The following DAAM1 variants were observed in gnomAD, a reference collection of about 807,000 sequenced individuals.
DAAM1 encodes dishevelled associated activator of morphogenesis 1, also known as disheveled-associated activator of morphogenesis 1.
Under a neutral mutation model 130.0 loss-of-function variants are expected in DAAM1, and 52 were observed. The observed-to-expected ratio is 0.40, with a 90% CI of 0.32 to 0.50. DAAM1 has a LOEUF of 0.50. DAAM1 is among the 20% of genes least tolerant of loss of function. DAAM1 has a pLI of 0.61. For missense variants in DAAM1, 1,134 were observed against 1,303.8 expected, an observed-to-expected ratio of 0.87 and a Z score of 2.01; for synonymous variants, 452 against 444.5, an observed-to-expected ratio of 1.02 and a Z score of -0.21.
chr14:59,261,875 C>T (rs1298978594), intron 1 of DAAM1, among the ~76,000 whole-genome samples: 1 of 152,236 alleles, frequency 6.6e-6, no homozygotes, highest in Non-Finnish European at 1.5e-5. Context: ...TGTTTTCTCA[C>T]TGTCCACATT....
At chr14:59,326,789 T>A in intron 11 of DAAM1, 141 bp downstream of exon 11, 4 of 1,495,998 alleles carry the variant, frequency 2.7e-6, no homozygotes, top group Non-Finnish European at 3.6e-6. Flanking sequence ...GCACTATAGC[T>A]AAGTAACATC....
chr14:59,343,501 C>A (rs1054747366), intron 16 of DAAM1, among the ~76,000 whole-genome samples: 1 of 152,218 alleles, frequency 6.6e-6, no homozygotes, highest in African/African-American at 2.4e-5. Flanking sequence ...GTGAACTTCT[C>A]TATTTCTTAT....
intron 3 of DAAM1, among the ~76,000 whole-genome samples, chr14:59,303,711 C>G (rs1422172969): frequency 1.3e-5 from 2 of 151,968 alleles, no homozygotes; most frequent in African/African-American, 4.8e-5. Context: ...AGCCTGGGAC[C>G]CAACGTGGCG....
chr14:59,308,836 G>A (rs1468328944), intron 3 of DAAM1, among the ~76,000 whole-genome samples: 3 of 152,206 alleles, frequency 2.0e-5, no homozygotes, highest in Admixed American at 1.3e-4. Context: ...CTGACATTCT[G>A]AGGCTTAGGA....
rs1350299961 is a variant in DAAM1 at position 59,344,343 on chromosome 14, C to T, written c.2076-3196C>T. Among the ~76,000 whole-genome samples the T allele has an allele frequency of 2.0e-5, 3 of 152,312 alleles. No individual in the cohort carries two copies. The East Asian group carries it at 5.8e-4, about 29-fold the overall frequency. On this transcript the variant is annotated intron_variant, in intron 16 of 24. Transcript: ENST00000360909. The stretch of plus-strand genomic sequence containing the variant: ...TTTTTGAAATACTTGAGTAGAGCAA[C>T]CTGGAGTTTTGAATACTGTTTTAAG...
At chr14:59,279,358 A>G (rs557715982) in intron 2 of DAAM1, among the ~76,000 whole-genome samples, 1 of 152,318 alleles carries the variant, frequency 6.6e-6, no homozygotes, top group African/African-American at 2.4e-5. Context: ...TTAGAATTTA[A>G]TTACCAAAAT....
intron 16 of DAAM1, among the ~76,000 whole-genome samples, chr14:59,341,555 C>T (rs1885848656): frequency 1.3e-5 from 2 of 152,110 alleles, no homozygotes; most frequent in South Asian, 4.1e-4. Context: ...TGATCTCTCA[C>T]TGTGCCTGAT....
chr14:59,285,415 G>A (rs1463393714), intron 2 of DAAM1, among the ~76,000 whole-genome samples: 2 of 152,114 alleles, frequency 1.3e-5, no homozygotes, highest in Admixed American at 1.3e-4. Context: ...ACAATGAAAG[G>A]ATCAAATCCT....
In DAAM1 at chr14:59,237,305, G is replaced by A. The variant is rs551082327; in HGVS notation, c.-37-26136G>A. ...AAACATTCCAAAAGAGAGACATCCC[G>A]CCAGGTGGTGGAATACATATTAGAG... On this transcript the variant is annotated intron_variant, in intron 1 of 24. Coordinates refer to ENST00000360909, the MANE Select transcript of DAAM1 (RefSeq NM_001270520.2). 2.0e-5 allele frequency among the ~76,000 whole-genome samples: 3 copies of A among 152,284 alleles called. No homozygotes were observed. In the East Asian group the frequency reaches 5.8e-4, roughly 29 times the overall value.
chr14:59,207,514 T>G (rs8017556), intron 1 of DAAM1, among the ~76,000 whole-genome samples: 17,255 of 152,252 alleles, frequency 0.11, 1,557 homozygotes, highest in African/African-American at 0.26. Flanking sequence ...AACTATTAAT[T>G]TCATTTAAAA....
At chr14:59,243,012 C>G (rs577381293) in intron 1 of DAAM1, among the ~76,000 whole-genome samples, 2 of 152,024 alleles carry the variant, frequency 1.3e-5, no homozygotes, top group Non-Finnish European at 2.9e-5. Context: ...AATGTGATGA[C>G]AATAAGGGAT....
chr14:59,244,771 C>G (rs913528206), intron 1 of DAAM1, among the ~76,000 whole-genome samples: 1 of 152,130 alleles, frequency 6.6e-6, no homozygotes, highest in African/African-American at 2.4e-5. Flanking sequence ...CATCACTGTC[C>G]TGGTTGCTTT....
intron 1 of DAAM1, among the ~76,000 whole-genome samples, chr14:59,202,256 TCA>T (rs1888127056): frequency 1.3e-5 from 2 of 152,210 alleles, no homozygotes; most frequent in African/African-American, 4.8e-5. Flanking sequence ...CAAGTTTCCC[TCA>T]GTCTGTTTCA....
intron 3 of DAAM1, among the ~76,000 whole-genome samples, chr14:59,295,357 T>A (rs918965452): frequency 4.6e-5 from 7 of 152,242 alleles, no homozygotes; most frequent in African/African-American, 1.4e-4. Flanking sequence ...CTATCATGAT[T>A]TCTGCAAACT....
chr14:59,284,027 G>A lies in DAAM1; in HGVS notation c.184-7190G>A, dbSNP rs760525016. ...GGGAACTTACTGAAAATGCAGTGTC[G>A]TGTACCTTTTCCTCCCTGTTCAATC... On this transcript the variant is annotated intron_variant, in intron 2 of 24. Transcript: ENST00000360909. Among the ~76,000 whole-genome samples the A allele has an allele frequency of 6.6e-5, 10 of 152,246 alleles. No homozygotes were observed. In the East Asian group the frequency reaches 1.2e-3, roughly 18 times the overall value.
At chr14:59,323,279 C>G in intron 6 of DAAM1, 54 bp downstream of exon 6, 1 of 1,485,240 alleles carries the variant, frequency 6.7e-7, no homozygotes, top group Non-Finnish European at 9.0e-7. Flanking sequence ...TCTGCTCAAA[C>G]ACGTGCTTTT....
chr14:59,332,002 G>A, intron 15 of DAAM1, 82 bp downstream of exon 15: 20 of 1,193,296 alleles, frequency 1.7e-5, no homozygotes, highest in Admixed American at 3.9e-5. Flanking sequence ...AGCCATGGCC[G>A]TGATGTGACC....
At chr14:59,314,374 GACTC>G (rs1198939984) in intron 3 of DAAM1, among the ~76,000 whole-genome samples, 1 of 152,164 alleles carries the variant, frequency 6.6e-6, no homozygotes, top group Non-Finnish European at 1.5e-5. Flanking sequence ...TCACACAAGT[GACTC>G]ACATAGATGT....
Position 59,368,693 on chromosome 14 carries a change from AAGAGAATAGTGAAGAAAGCGG to A in DAAM1, c.3046_3066del (p.Asn1016_Glu1022del), listed in dbSNP as rs1335579695. 1 of 1,613,688 alleles carries A rather than the reference AAGAGAATAGTGAAGAAAGCGG, an allele frequency of 6.2e-7. No homozygotes were observed. Among genetic ancestry groups the A allele is most frequent in the Non-Finnish European group, 8.5e-7 (1 of 1,179,818 alleles). ...AGGGAACGTAAAATGAGAAAAGCTAAAGAGAATAGTGAAGAAAGCGGAGAGTTTGATGACCTTGTTTCAGCT... is the reference window on the plus strand; with the variant it reads ...AGGGAACGTAAAATGAGAAAAGCTAAAGAGTTTGATGACCTTGTTTCAGCT... On this transcript the variant is annotated inframe_deletion, in exon 25 of 25. Coordinates refer to ENST00000360909, the MANE Select transcript of DAAM1 (RefSeq NM_001270520.2).
Sources: gnomAD v4.1 joint callset for allele counts (sites outside exome capture counted in the v4.1 genomes callset) on GRCh38, gnomAD v4.1.1 for gene constraint, MANE v1.5 for transcripts, NCBI Gene and HGNC (gene_info 2026-07-23, HGNC 2026-07-21) for gene names.